FOXO1: variants seen among roughly 807,000 people sequenced by gnomAD.
FOXO1 encodes the protein forkhead box protein O1.
Under a neutral mutation model 44.1 loss-of-function variants are expected in FOXO1, and 6 were observed. The ratio of observed to expected loss-of-function variants is 0.14; its 90% CI spans 0.07 to 0.27. The LOEUF (loss-of-function observed/expected upper bound fraction) is 0.27. FOXO1 is among the 10% of genes least tolerant of loss of function. FOXO1 has a pLI of 1.00. For synonymous variants in FOXO1, 380 were observed against 362.7 expected (o/e 1.05, Z -0.54); for missense variants, 737 against 888.8 (o/e 0.83, Z 2.17).
intron 1 of FOXO1, among the ~76,000 whole-genome samples, chr13:40,568,522 A>G (rs1874356450): frequency 1.3e-5 from 2 of 152,232 alleles, no homozygotes; most frequent in African/African-American, 4.8e-5. Context: ...TTTGTTTGCA[A>G]ACAGAAGGAA....
At chr13:40,640,408 G>A (rs1220569571) in intron 1 of FOXO1, among the ~76,000 whole-genome samples, 5 of 152,162 alleles carry the variant, frequency 3.3e-5, no homozygotes, top group African/African-American at 7.2e-5. Flanking sequence ...TCTAAGTATC[G>A]TCCAAAGCAA....
At chr13:40,559,182 T>G (rs1873879376) in intron 2 of FOXO1, 148 bp from the exon 3 acceptor site, 2 of 406,842 alleles carry the variant, frequency 4.9e-6, no homozygotes, top group Non-Finnish European at 4.3e-6. Flanking sequence ...TCTAAAATCA[T>G]TCAATGGGGA....
chr13:40,602,620 G>GTTT (rs922712256), intron 1 of FOXO1, among the ~76,000 whole-genome samples: 1 of 152,154 alleles, frequency 6.6e-6, no homozygotes, highest in African/African-American at 2.4e-5. Context: ...TAATGCTCGT[G>GTTT]TTTTTCTACC....
At chr13:40,597,327 C>G (rs1875618726) in intron 1 of FOXO1, among the ~76,000 whole-genome samples, 1 of 152,208 alleles carries the variant, frequency 6.6e-6, no homozygotes, top group Admixed American at 6.5e-5. Flanking sequence ...GTCACCCAGC[C>G]TTGGAGCCTG....
rs1873857081 is a variant in FOXO1, at chr13:40,558,779, T to C, written c.*270A>G. On this transcript the variant is annotated 3_prime_UTR_variant, in exon 3 of 3. Transcript: ENST00000379561. ...TCTGCAATTATATGGTGTAGTGAGT[T>C]TGGCACTTCATTGTAATGAAATTTC... The C allele has an allele frequency of 2.5e-6, 1 of 398,980 alleles. No homozygotes were observed. The highest frequency in any genetic ancestry group is 4.4e-6 in the Non-Finnish European group (1 of 226,002). 24.7% of individuals were successfully genotyped at this position (398,980 alleles called of 1,614,324 possible).
At chr13:40,616,830 G>C (rs1876438498) in intron 1 of FOXO1, among the ~76,000 whole-genome samples, 1 of 152,110 alleles carries the variant, frequency 6.6e-6, no homozygotes, top group Admixed American at 6.5e-5. Context: ...TGGCAGTCTA[G>C]ATCCGGAGCC....
intron 1 of FOXO1, among the ~76,000 whole-genome samples, chr13:40,586,641 C>G (rs1324320975): frequency 3.3e-5 from 5 of 152,186 alleles, no homozygotes; most frequent in African/African-American, 9.7e-5. Context: ...AACCAAGTAA[C>G]TTTTGAGCAA....
rs1873817942 is a variant in FOXO1, at chr13:40,557,886, T to TA, written c.*1162dup. On this transcript the variant is annotated 3_prime_UTR_variant, in exon 3 of 3. Transcript: ENST00000379561. ...GAGGTCTCTAGAGAAGACTTGATGC[T>TA]ATGCAGTACGCATAGTTCAGTAGAA... 1 of 152,260 alleles carries TA rather than the reference T, an allele frequency of 6.6e-6. No individual in the cohort carries two copies. The highest frequency in any genetic ancestry group is 2.1e-4 in the South Asian group (1 of 4,836). 9.4% of individuals were successfully genotyped at this position (152,260 alleles called of 1,614,324 possible).
chr13:40,625,445 G>A (rs1593405434), intron 1 of FOXO1, among the ~76,000 whole-genome samples: 2 of 152,158 alleles, frequency 1.3e-5, no homozygotes, highest in East Asian at 3.8e-4. Context: ...GTACTGCTCA[G>A]TTTAAGTGTC....
rs1210378093 is a variant in FOXO1, at chr13:40,560,926, T to C, written c.631-66A>G. The C allele has an allele frequency of 6.2e-6, 9 of 1,459,156 alleles. No homozygotes were observed. Among genetic ancestry groups the C allele is most frequent in the African/African-American group, 1.4e-5 (1 of 70,778 alleles). 90.4% of individuals were successfully genotyped at this position (1,459,156 alleles called of 1,614,324 possible). On this transcript the variant is annotated intron_variant, in intron 1 of 2. Coordinates refer to ENST00000379561, the MANE Select transcript of FOXO1 (RefSeq NM_002015.4). The surrounding 1 kb of genome is among the most constrained non-coding windows in gnomAD (Gnocchi z 5.1). ...TGCTTGCAAAACTTCCTATTCTACA[T>C]GTATTACATGGAAAACAAGTAAAAA...
chr13:40,627,426 C>T (rs1394943688), intron 1 of FOXO1, among the ~76,000 whole-genome samples: 1 of 152,206 alleles, frequency 6.6e-6, no homozygotes, highest in East Asian at 1.9e-4. Context: ...TGCTCAAATG[C>T]ACTGTATAAC....
chr13:40,637,206 GT>G (rs1477583059), intron 1 of FOXO1, among the ~76,000 whole-genome samples: 1 of 152,128 alleles, frequency 6.6e-6, no homozygotes, highest in Admixed American at 6.6e-5. Flanking sequence ...CACTTTGGGA[GT>G]GCCAAGGCAG....
chr13:40,665,932 A>ACCG lies in FOXO1; in HGVS notation c.278_280dup (p.Ala93dup), dbSNP rs1238534097. The ACCG allele has an allele frequency of 2.9e-5, 35 of 1,211,828 alleles. No individual in the cohort carries two copies. The highest frequency in any genetic ancestry group is 3.3e-5 in the Non-Finnish European group (32 of 978,300). 75.1% of individuals were successfully genotyped at this position (1,211,828 alleles called of 1,614,324 possible). The stretch of plus-strand genomic sequence containing the variant: ...GGCGGCCGCGGCGGCCGCCGCCGCC[A>ACCG]CCGCCGCCGCCACGGAGCCGGGCGC... On this transcript the variant is annotated inframe_insertion, in exon 1 of 3. Coordinates refer to ENST00000379561, the MANE Select transcript of FOXO1 (RefSeq NM_002015.4).
intron 1 of FOXO1, among the ~76,000 whole-genome samples, chr13:40,568,217 G>A (rs186342401): frequency 2.0e-5 from 3 of 152,246 alleles, no homozygotes; most frequent in African/African-American, 7.2e-5. Flanking sequence ...CTCAGAAACT[G>A]GAACATATGA....
chr13:40,586,485 AC>A (rs778068046), intron 1 of FOXO1, among the ~76,000 whole-genome samples: 4 of 152,028 alleles, frequency 2.6e-5, no homozygotes, highest in Non-Finnish European at 4.4e-5. Flanking sequence ...CAACAGAGGC[AC>A]CCCCTTGTGA....
At chr13:40,603,819 C>T (rs753135124) in intron 1 of FOXO1, among the ~76,000 whole-genome samples, 5 of 152,156 alleles carry the variant, frequency 3.3e-5, no homozygotes, top group Non-Finnish European at 7.4e-5. Context: ...TATTTAATAA[C>T]TAACTTTTTC....
intron 1 of FOXO1, among the ~76,000 whole-genome samples, chr13:40,564,556 G>A (rs771577195): frequency 7.2e-5 from 11 of 152,180 alleles, no homozygotes; most frequent in Non-Finnish European, 1.3e-4. Flanking sequence ...TGCTATTAAC[G>A]ACGTTGTGTC....
chr13:40,581,598 C>T (rs1412519061), intron 1 of FOXO1, among the ~76,000 whole-genome samples: 2 of 152,182 alleles, frequency 1.3e-5, no homozygotes, highest in Non-Finnish European at 1.5e-5. Flanking sequence ...TTCAAATCAA[C>T]TAGTTTCCCA....
intron 1 of FOXO1, among the ~76,000 whole-genome samples, chr13:40,651,538 G>C (rs1877687916): frequency 6.6e-6 from 1 of 151,746 alleles, no homozygotes; most frequent in Non-Finnish European, 1.5e-5. Context: ...AACTTCAAGA[G>C]AGGAAAAAAT....
Sources: gnomAD v4.1 joint callset for allele counts (sites outside exome capture counted in the v4.1 genomes callset) on GRCh38, gnomAD v4.1.1 for gene constraint, Gnocchi (gnomAD v3.1) non-coding constraint, MANE v1.5 for transcripts, NCBI Gene and HGNC (gene_info 2026-07-23, HGNC 2026-07-21) for gene names.